The following MCM5 variants were observed in gnomAD, a reference collection of about 807,000 sequenced individuals.
The protein encoded by MCM5 is DNA replication licensing factor MCM5.
MCM5 carries 46 observed loss-of-function variants against 79.9 expected under a neutral mutation model. That is an observed-to-expected ratio of 0.58 (90% CI 0.45 to 0.74). The LOEUF is 0.74. Among genes scored for constraint, MCM5 ranks in the 30% least tolerant of loss-of-function variants. MCM5 has a pLI of 0.00. For missense variants in MCM5, 883 were observed against 1,017.0 expected (o/e 0.87, Z 1.79); for synonymous variants, 404 against 390.5 (o/e 1.03, Z -0.41).
In MCM5 at chr22:35,424,144, G is replaced by C; in HGVS notation, c.2104-10G>C. ...AGCACGTGCCGTTAGCCAGCCATGTGCTCCCACAGAAATACCCGGAGCACG... is the reference window on the plus strand; with the variant it reads ...AGCACGTGCCGTTAGCCAGCCATGTCCTCCCACAGAAATACCCGGAGCACG... On this transcript the variant is annotated splice_polypyrimidine_tract_variant and intron_variant, in intron 16 of 16. Coordinates refer to ENST00000216122, the MANE Select transcript of MCM5 (RefSeq NM_006739.4). The C allele has an allele frequency of 6.5e-7, 1 of 1,542,288 alleles. No homozygotes were observed. Among genetic ancestry groups the C allele is most frequent in the Non-Finnish European group, 8.8e-7 (1 of 1,139,702 alleles).
chr22:35,425,754 C>T (rs913557230), downstream of MCM5, among the ~76,000 whole-genome samples: 1 of 151,822 alleles, frequency 6.6e-6, no homozygotes, highest in Non-Finnish European at 1.5e-5. Flanking sequence ...CAAGGTCCTC[C>T]CGTCCTGCTT....
At chr22:35,402,601 T>C (rs1313651451) in intron 2 of MCM5, among the ~76,000 whole-genome samples, 1 of 151,984 alleles carries the variant, frequency 6.6e-6, no homozygotes, top group East Asian at 1.9e-4. Flanking sequence ...TCGCCCAGGC[T>C]GGAGTGCCCT....
chr22:35,444,947 C>G, the MCM5 span, among the ~76,000 whole-genome samples: 1 of 152,366 alleles, frequency 6.6e-6, no homozygotes. Context: ...GCTCATGCAG[C>G]CCAGTGAACG....
the MCM5 span, among the ~76,000 whole-genome samples, chr22:35,442,357 G>GAA: frequency 1.5e-5 from 2 of 130,620 alleles, no homozygotes; most frequent in African/African-American, 2.8e-5. Flanking sequence ...TACTAAAAAA[G>GAA]AAAAAAAAAA....
chr22:35,436,176 A>G, the MCM5 span, among the ~76,000 whole-genome samples: 1 of 130,162 alleles, frequency 7.7e-6, no homozygotes, highest in Admixed American at 8.4e-5. Context: ...AAAAAAAAAA[A>G]AAAAAAAGAA....
At chr22:35,425,805 T>C (rs953691037), downstream of MCM5, among the ~76,000 whole-genome samples, 2 of 152,072 alleles carry the variant, frequency 1.3e-5, no homozygotes, top group Non-Finnish European at 2.9e-5. Flanking sequence ...CACCCTGCAG[T>C]GGCAACTTTG....
At chr22:35,426,896 C>A (rs1196415004), downstream of MCM5, among the ~76,000 whole-genome samples, 1 of 152,226 alleles carries the variant, frequency 6.6e-6, no homozygotes, top group African/African-American at 2.4e-5. Flanking sequence ...ATGAGAGCCG[C>A]TCCACCCCTT....
At chr22:35,406,296 A>ACC (rs758388958) in intron 4 of MCM5, among the ~76,000 whole-genome samples, 16,035 of 117,954 alleles carry the variant, frequency 0.14, 1,985 homozygotes, top group Non-Finnish European at 0.15. Context: ...TTGCCCTGCC[A>ACC]CCTCCCCCCC....
chr22:35,452,118 C>G, the MCM5 span, among the ~76,000 whole-genome samples: 1 of 152,300 alleles, frequency 6.6e-6, no homozygotes, highest in Non-Finnish European at 1.5e-5. Context: ...TAGGGTGAAA[C>G]TTGGTGCCTG....
the MCM5 span, among the ~76,000 whole-genome samples, chr22:35,436,177 A>AG: frequency 7.7e-6 from 1 of 130,474 alleles, no homozygotes; most frequent in Non-Finnish European, 1.7e-5. Context: ...AAAAAAAAAA[A>AG]AAAAAAGAAA....
intron 12 of MCM5, among the ~76,000 whole-genome samples, 156 bp from the exon 13 acceptor site, chr22:35,417,588 C>T (rs1932579087): frequency 6.6e-6 from 1 of 152,228 alleles, no homozygotes; most frequent in East Asian, 1.9e-4. Flanking sequence ...GGGCCTGGTG[C>T]TGAGCAAACA....
At chr22:35,445,525 T>C in the MCM5 span, among the ~76,000 whole-genome samples, 1 of 147,494 alleles carries the variant, frequency 6.8e-6, no homozygotes, top group Non-Finnish European at 1.5e-5. Context: ...TTTTTTTTTT[T>C]TTGAGATGGA....
chr22:35,414,294 C>T (rs567995431), intron 9 of MCM5, among the ~76,000 whole-genome samples: 14 of 152,252 alleles, frequency 9.2e-5, no homozygotes, highest in African/African-American at 3.1e-4. Flanking sequence ...TCAGTTTATC[C>T]ATTTGCTAAA....
At chr22:35,451,540 A>C in the MCM5 span, among the ~76,000 whole-genome samples, 112 of 152,312 alleles carry the variant, frequency 7.4e-4, no homozygotes, top group African/African-American at 2.6e-3. Flanking sequence ...ACGGGCCTCG[A>C]GCCTGGCAGT....
chr22:35,451,324 T>A, the MCM5 span, among the ~76,000 whole-genome samples: 2 of 152,232 alleles, frequency 1.3e-5, no homozygotes, highest in Non-Finnish European at 2.9e-5. Flanking sequence ...ACGGGAACAT[T>A]TAAGTCAAAC....
intron 8 of MCM5, 97 bp downstream of exon 8, chr22:35,412,778 G>A: frequency 9.2e-7 from 1 of 1,082,830 alleles, no homozygotes. Context: ...ACTCTTTTTT[G>A]TATTTCCTGG....
chr22:35,406,455 C>A, intron 4 of MCM5, 98 bp from the exon 5 acceptor site: 1 of 1,157,816 alleles, frequency 8.6e-7, no homozygotes, highest in Non-Finnish European at 1.2e-6. Context: ...AGCTCTGTGC[C>A]CACCTCCTCC....
downstream of MCM5, among the ~76,000 whole-genome samples, chr22:35,426,054 G>A (rs1932777620): frequency 6.6e-6 from 1 of 152,158 alleles, no homozygotes. Context: ...CCTGGGGGAG[G>A]CAGGTGCCAG....
downstream of MCM5, among the ~76,000 whole-genome samples, chr22:35,427,234 A>G (rs1488802165): frequency 4.6e-5 from 7 of 152,254 alleles, no homozygotes; most frequent in African/African-American, 1.7e-4. Flanking sequence ...AGCAAAGGCT[A>G]TATCCAATTT....
Sources: allele counts gnomAD v4.1 joint callset (sites outside exome capture counted in the v4.1 genomes callset), GRCh38; gene constraint gnomAD v4.1.1; transcripts MANE v1.5; gene names NCBI Gene and HGNC (gene_info 2026-07-23, HGNC 2026-07-21).